EMILIN2: variants seen among roughly 807,000 people sequenced by gnomAD.
EMILIN2 encodes the protein EMILIN-2.
Under a neutral mutation model 87.1 loss-of-function variants are expected in EMILIN2, and 71 were observed. That is an observed-to-expected ratio of 0.82 (90% CI 0.67 to 0.99). The LOEUF (loss-of-function observed/expected upper bound fraction) is 0.99, where lower values mean the gene tolerates loss of function less well. EMILIN2 is among the 50% of genes least tolerant of loss of function. The pLI, the probability that EMILIN2 is intolerant of heterozygous loss-of-function variation, is 0.00. For synonymous variants in EMILIN2, 581 were observed against 563.4 expected, an observed-to-expected ratio of 1.03 and a Z score of -0.44; for missense variants, 1,407 against 1,371.8, an observed-to-expected ratio of 1.03 and a Z score of -0.40.
intron 2 of EMILIN2, among the ~76,000 whole-genome samples, chr18:2,879,820 G>A (rs189068397): frequency 4.6e-5 from 7 of 152,056 alleles, no homozygotes; most frequent in East Asian, 1.9e-4. Flanking sequence ...ATCCTCCTGC[G>A]TCAGCCTCCC....
chr18:2,864,360 G>A (rs1158731941), intron 2 of EMILIN2, among the ~76,000 whole-genome samples: 14 of 152,100 alleles, frequency 9.2e-5, no homozygotes, highest in East Asian at 7.7e-4. Flanking sequence ...GGCTGGTACC[G>A]GTTGTTCCTT....
chr18:2,897,503 GT>G (rs951568824), intron 4 of EMILIN2, among the ~76,000 whole-genome samples: 1 of 152,284 alleles, frequency 6.6e-6, no homozygotes, highest in East Asian at 1.9e-4. Flanking sequence ...GTGGCCACAG[GT>G]TTTTTTGTTT....
intron 4 of EMILIN2, among the ~76,000 whole-genome samples, chr18:2,892,942 G>A (rs2144042902): frequency 6.6e-6 from 1 of 151,270 alleles, no homozygotes; most frequent in Non-Finnish European, 1.5e-5. Context: ...GTCCCAGCTA[G>A]TCGGGAGGCT....
intron 2 of EMILIN2, among the ~76,000 whole-genome samples, chr18:2,867,667 G>A (rs193110221): frequency 0.022 from 3,395 of 152,304 alleles, 57 homozygotes; most frequent in Non-Finnish European, 0.033. Context: ...AGGGTTGGGG[G>A]TAAGGTCACA....
At chr18:2,905,240 A>G (rs2076904398) in intron 4 of EMILIN2, among the ~76,000 whole-genome samples, 1 of 117,894 alleles carries the variant, frequency 8.5e-6, no homozygotes, top group African/African-American at 3.3e-5. Flanking sequence ...TGGTCAGGAA[A>G]GGCTGTTGGA....
rs1466272675 is a variant in EMILIN2 at position 2,892,342 on chromosome 18, A to C, written c.2215A>C (p.Asn739His). The C allele has an allele frequency of 6.2e-7, 1 of 1,614,166 alleles. No individual in the cohort carries two copies. The highest frequency in any genetic ancestry group is 1.7e-5 in the Admixed American group (1 of 60,016). The change falls in exon 4 of 8, where the codon AAC becomes CAC. Residue 739 changes from asparagine (N) to histidine (H), a missense_variant. Transcript: ENST00000254528. ...GLNKHVSSLW[N>H]CVRQMNGTLR... ...CAACAAGCATGTCAGCAGCCTGTGG[A>C]ACTGTGTCAGGCAGATGAACGGAAC...
chr18:2,888,369 T>C (rs1378068332), intron 3 of EMILIN2, among the ~76,000 whole-genome samples: 3 of 152,164 alleles, frequency 2.0e-5, no homozygotes, highest in Admixed American at 6.5e-5. Flanking sequence ...TTGCTTAGAA[T>C]AGCATTCCAC....
Position 2,905,775 on chromosome 18 carries a change from GT to G in EMILIN2, c.2360-1001del, listed in dbSNP as rs1006831509. Among the ~76,000 whole-genome samples, 83 of 92,720 alleles carry G rather than the reference GT, an allele frequency of 9.0e-4. 1 individual carries two copies. The South Asian group carries it at 0.015, about 17-fold the overall frequency. The allele number at this position is 92,720 out of a possible 152,430, so 60.8% of individuals were successfully genotyped here. On this transcript the variant is annotated intron_variant, in intron 4 of 7. Transcript: ENST00000254528. ...GCTCCACTACCCCGGGCTAATTTTT[GT>G]TTTTTTGTTTTTTTTTTTTGGATAT...
At position 2,891,709 on chromosome 18, in the gene EMILIN2, T is replaced by A; in HGVS notation, c.1582T>A (p.Ser528Thr). 2 of 1,613,790 alleles carry A rather than the reference T, an allele frequency of 1.2e-6. No homozygotes were observed. Among genetic ancestry groups the A allele is most frequent in the Non-Finnish European group, 1.7e-6 (2 of 1,179,956 alleles). ...PPGAAALPGV[S>T]GSGDERVMME... ...AGGGGCAGCAGCCCTGCCAGGAGTG[T>A]CAGGGTCAGGAGATGAACGGGTCAT... The change falls in exon 4 of 8, where the codon TCA (serine) becomes ACA (threonine). Residue 528 changes from serine to threonine, a missense_variant. Ser to Thr is a moderately conservative substitution (Grantham distance 58). Coordinates refer to ENST00000254528, the MANE Select transcript of EMILIN2 (RefSeq NM_032048.3). This position sits in a 1 kb window ranked among gnomAD's most constrained non-coding sequence, Gnocchi z 4.6.
rs2076585009 is a variant in EMILIN2, at chr18:2,848,045, T to C, written c.257+114T>C. On this transcript the variant is annotated intron_variant, in intron 2 of 7. Coordinates refer to ENST00000254528, the MANE Select transcript of EMILIN2 (RefSeq NM_032048.3). The surrounding 1 kb of genome is among the most constrained non-coding windows in gnomAD (Gnocchi z 4.1). ...TCCGGTAAATCCCTTCCAGATCCGG[T>C]GAAAAGCCCGCAGCGGAAAAGCGCT... 3 of 1,309,040 alleles carry C rather than the reference T, an allele frequency of 2.3e-6. No individual in the cohort carries two copies. The highest frequency in any genetic ancestry group is 3.0e-6 in the Non-Finnish European group (3 of 989,486). The allele number at this position is 1,309,040 out of a possible 1,614,324, so 81.1% of individuals were successfully genotyped here.
chr18:2,866,870 CTT>C (rs993673400), intron 2 of EMILIN2, among the ~76,000 whole-genome samples: 2 of 152,240 alleles, frequency 1.3e-5, no homozygotes, highest in Admixed American at 1.3e-4. Context: ...AAGTATGTCT[CTT>C]GTATGCCGAT....
rs2076913579 is a variant in EMILIN2 at position 2,906,601 on chromosome 18, C to T, written c.2360-182C>T. 4 of 447,698 alleles carry T rather than the reference C, an allele frequency of 8.9e-6. No individual in the cohort carries two copies. In the South Asian group the frequency reaches 4.6e-4, roughly 51 times the overall value. The allele number at this position is 447,698 out of a possible 1,614,324, so 27.7% of individuals were successfully genotyped here. A position where few individuals can be genotyped will look rare whatever the true frequency, so the allele number is the denominator to read the frequency against. On this transcript the variant is annotated intron_variant, in intron 4 of 7. Coordinates refer to ENST00000254528, the MANE Select transcript of EMILIN2 (RefSeq NM_032048.3). ...GGTCCCCGGCGGCGTCCGGGTGGCCCGCGGCGTCCTCGGAAGATGCGGGCG... is the reference window on the plus strand; with the variant it reads ...GGTCCCCGGCGGCGTCCGGGTGGCCTGCGGCGTCCTCGGAAGATGCGGGCG...
At position 2,913,137 on chromosome 18, in the gene EMILIN2, CGT is replaced by C; in HGVS notation, c.2897_2898del (p.Val966GlyfsTer69). 6.2e-7 allele frequency: 1 copy of C among 1,614,014 alleles called. No individual in the cohort carries two copies. Among genetic ancestry groups the C allele is most frequent in the African/African-American group, 1.3e-5 (1 of 75,024 alleles). Reference protein sequence around the residue: ...ATLTPERDAYVEAVLSVSNAS... With the variant: ...ATLTPERDAYXEAVLSVSNAS... ...CCCTCACCCCCGAGAGAGACGCCTA[CGT>C]GGAAGCAGTGCTGTCGGTCTCCAAC... On this transcript the variant is annotated frameshift_variant, in exon 8 of 8. Transcript: ENST00000254528. LOFTEE classifies it high-confidence loss of function.
chr18:2,864,827 C>T (rs1454291859), intron 2 of EMILIN2, among the ~76,000 whole-genome samples: 2 of 152,098 alleles, frequency 1.3e-5, no homozygotes, highest in Non-Finnish European at 2.9e-5. Flanking sequence ...AACTTGGTTC[C>T]ATTCTCCCCG....
intron 2 of EMILIN2, among the ~76,000 whole-genome samples, chr18:2,865,178 C>G (rs866114221): frequency 6.6e-6 from 1 of 152,006 alleles, no homozygotes; most frequent in Non-Finnish European, 1.5e-5. Context: ...TCCTTTAGCT[C>G]GTAGTAGTTT....
intron 2 of EMILIN2, among the ~76,000 whole-genome samples, chr18:2,858,956 C>A (rs962596105): frequency 5.9e-5 from 9 of 152,204 alleles, no homozygotes; most frequent in African/African-American, 2.2e-4. Flanking sequence ...GTTTCTTTAT[C>A]CACTTGTTGA....
Position 2,890,844 on chromosome 18 carries a change from T to C in EMILIN2, c.717T>C (p.Val239=). ...AGCACCCCAAGCCTGACACCACTGT[T>C]AGTGGAGACACAGAAACGGGCCAGA... The part of the protein sequence containing the change: ...SSQHPKPDTT[V]SGDTETGQSP... The change falls in exon 4 of 8, where the codon GTT becomes GTC. Residue 239 remains valine, a synonymous_variant. Transcript: ENST00000254528. The surrounding 1 kb of genome is among the most constrained non-coding windows in gnomAD (Gnocchi z 4.7). 1 of 1,613,872 alleles carries C rather than the reference T, an allele frequency of 6.2e-7. No homozygotes were observed. The highest frequency in any genetic ancestry group is 8.5e-7 in the Non-Finnish European group (1 of 1,180,014).
chr18:2,911,413 C>T (rs1407583383), intron 7 of EMILIN2, among the ~76,000 whole-genome samples: 1 of 152,166 alleles, frequency 6.6e-6, no homozygotes, highest in Non-Finnish European at 1.5e-5. Flanking sequence ...TCATTTTTGC[C>T]TCTTAATGCA....
At chr18:2,911,908 A>G (rs1039219706) in intron 7 of EMILIN2, among the ~76,000 whole-genome samples, 1 of 135,554 alleles carries the variant, frequency 7.4e-6, no homozygotes, top group Non-Finnish European at 1.7e-5. Context: ...CCTCAGGGCC[A>G]GGTACCTTAG....
Sources: allele counts gnomAD v4.1 joint callset (sites outside exome capture counted in the v4.1 genomes callset), GRCh38; gene constraint gnomAD v4.1.1; non-coding constraint Gnocchi (gnomAD v3.1); transcripts MANE v1.5; gene names NCBI Gene and HGNC (gene_info 2026-07-23, HGNC 2026-07-21).